THRB: variants seen among roughly 807,000 people sequenced by gnomAD.
THRB encodes thyroid hormone receptor beta.
THRB carries 12 observed loss-of-function variants against 47.8 expected under a neutral mutation model. The observed-to-expected ratio is 0.25, with a 90% CI of 0.16 to 0.41. The LOEUF is 0.41. THRB is among the 10% of genes least tolerant of loss of function. THRB has a pLI of 1.00. For synonymous variants in THRB, 218 were observed against 212.2 expected, an observed-to-expected ratio of 1.03 and a Z score of -0.24; for missense variants, 348 against 589.2, an observed-to-expected ratio of 0.59 and a Z score of 4.24.
intron 1 of THRB, among the ~76,000 whole-genome samples, chr3:24,400,117 A>G (rs1209826238): frequency 6.6e-6 from 1 of 152,252 alleles, no homozygotes; most frequent in East Asian, 1.9e-4. Context: ...GTTAATGACC[A>G]TAGGCCAAGG....
chr3:24,187,222 A>G (rs1016221366), intron 5 of THRB, among the ~76,000 whole-genome samples: 1 of 152,182 alleles, frequency 6.6e-6, no homozygotes, highest in Non-Finnish European at 1.5e-5. Context: ...CTGATCATGC[A>G]TTTGGATGCC....
intron 3 of THRB, among the ~76,000 whole-genome samples, chr3:24,262,522 C>T (rs2052172989): frequency 6.6e-6 from 1 of 152,176 alleles, no homozygotes; most frequent in Non-Finnish European, 1.5e-5. Context: ...CTCACTCACT[C>T]CATTCCAGTC....
chr3:24,435,385 A>G (rs1047281663), intron 1 of THRB, among the ~76,000 whole-genome samples: 1 of 152,164 alleles, frequency 6.6e-6, no homozygotes, highest in Non-Finnish European at 1.5e-5. Flanking sequence ...ATGTCAGAGA[A>G]AGCAGATGCG....
chr3:24,422,530 A>C (rs1479808949), intron 1 of THRB, among the ~76,000 whole-genome samples: 1 of 151,918 alleles, frequency 6.6e-6, no homozygotes, highest in African/African-American at 2.4e-5. Context: ...TAATCCTGAT[A>C]CAGCCACTCT....
chr3:24,440,859 T>TTGCTGCA (rs2071457632), intron 1 of THRB, among the ~76,000 whole-genome samples: 2 of 152,306 alleles, frequency 1.3e-5, no homozygotes, highest in South Asian at 4.1e-4. Context: ...TAGTTATCTA[T>TTGCTGCA]TGCTGCATGA....
chr3:24,231,105 CTCAGTAAAATATTACCCTT>C (rs2048217547), intron 3 of THRB, among the ~76,000 whole-genome samples: 1 of 152,180 alleles, frequency 6.6e-6, no homozygotes, highest in Non-Finnish European at 1.5e-5. Context: ...CTTGGATGCC[CTCAGTAAAATATTACCCTT>C]TTTACAATAA....
intron 3 of THRB, among the ~76,000 whole-genome samples, chr3:24,230,572 G>A (rs1312740327): frequency 4.6e-5 from 7 of 152,250 alleles, no homozygotes; most frequent in African/African-American, 2.4e-5. Flanking sequence ...TGAGTGAGAG[G>A]CACCAAGTTC....
chr3:24,402,021 C>T (rs1408638965), intron 1 of THRB, among the ~76,000 whole-genome samples: 1 of 151,984 alleles, frequency 6.6e-6, no homozygotes, highest in South Asian at 2.1e-4. Context: ...CTGCCAAAGC[C>T]AAGGAAAAGA....
chr3:24,490,912 AT>A (rs1698050742), intron 1 of THRB, among the ~76,000 whole-genome samples: 1 of 152,126 alleles, frequency 6.6e-6, no homozygotes, highest in Non-Finnish European at 1.5e-5. Flanking sequence ...GTCTTCTGCA[AT>A]TTTTTTCCAT....
intron 2 of THRB, among the ~76,000 whole-genome samples, chr3:24,316,275 A>C (rs2058105599): frequency 6.6e-6 from 1 of 152,206 alleles, no homozygotes; most frequent in African/African-American, 2.4e-5. Flanking sequence ...TACTTCTAAA[A>C]GCCTGAATCA....
chr3:24,285,969 G>A (rs540880249), intron 3 of THRB, among the ~76,000 whole-genome samples: 2 of 152,278 alleles, frequency 1.3e-5, no homozygotes, highest in South Asian at 4.1e-4. Flanking sequence ...GTTAGATTAG[G>A]TCTGAGGGTG....
At chr3:24,338,469 T>C (rs1314495421) in intron 1 of THRB, among the ~76,000 whole-genome samples, 1 of 152,250 alleles carries the variant, frequency 6.6e-6, no homozygotes. Flanking sequence ...ATATGATGGA[T>C]GTGGGCTTGA....
intron 1 of THRB, among the ~76,000 whole-genome samples, chr3:24,384,484 G>A (rs533963109): frequency 6.6e-6 from 1 of 152,220 alleles, no homozygotes; most frequent in African/African-American, 2.4e-5. Flanking sequence ...TGGGGGTGGA[G>A]CAATGGTGAA....
At chr3:24,255,208 T>G (rs2051129542) in intron 3 of THRB, among the ~76,000 whole-genome samples, 1 of 152,198 alleles carries the variant, frequency 6.6e-6, no homozygotes, top group Admixed American at 6.5e-5. Flanking sequence ...AAATATGCCA[T>G]AACTGTTTGT....
intron 1 of THRB, among the ~76,000 whole-genome samples, chr3:24,464,371 T>G (rs1442055733): frequency 6.6e-6 from 1 of 152,132 alleles, no homozygotes; most frequent in Non-Finnish European, 1.5e-5. Context: ...AAATAATCAA[T>G]GGTGATGACA....
At chr3:24,191,254 A>G (rs2043299124) in intron 4 of THRB, among the ~76,000 whole-genome samples, 1 of 50,752 alleles carries the variant, frequency 2.0e-5, no homozygotes, top group Admixed American at 1.6e-4. Context: ...GCAAGCTAAT[A>G]TATATATATA....
chr3:24,280,613 A>C (rs2054466035), intron 3 of THRB, among the ~76,000 whole-genome samples: 3 of 152,226 alleles, frequency 2.0e-5, no homozygotes, highest in Admixed American at 2.0e-4. Context: ...CTGAGAGAAG[A>C]AGGCTTCAGA....
At chr3:24,296,361 G>A (rs564409338) in intron 3 of THRB, among the ~76,000 whole-genome samples, 1 of 152,336 alleles carries the variant, frequency 6.6e-6, no homozygotes, top group East Asian at 1.9e-4. Flanking sequence ...GATAATGTCG[G>A]CTTCGGTTAG....
At chr3:24,199,559 C>T (rs934546939) in intron 4 of THRB, among the ~76,000 whole-genome samples, 1 of 152,186 alleles carries the variant, frequency 6.6e-6, no homozygotes, top group Non-Finnish European at 1.5e-5. Context: ...TATCTGGCTG[C>T]TCCCACTTCT....
Sources: gnomAD v4.1 joint callset for allele counts (sites outside exome capture counted in the v4.1 genomes callset) on GRCh38, gnomAD v4.1.1 for gene constraint, MANE v1.5 for transcripts, NCBI Gene and HGNC (gene_info 2026-07-23, HGNC 2026-07-21) for gene names.